The following ATM variants were observed in gnomAD, a reference collection of about 807,000 sequenced individuals.
ATM encodes serine-protein kinase ATM.
In ATM, 308 loss-of-function variants were observed where a neutral mutation model predicts 387.0. That is an observed-to-expected ratio of 0.80 (90% CI 0.73 to 0.87). The LOEUF (loss-of-function observed/expected upper bound fraction) is 0.87. Among genes scored for constraint, ATM ranks in the 40% least tolerant of loss-of-function variants. The probability of loss-of-function intolerance (pLI) is 0.00; values close to 1 mark genes in which losing one functional copy is unlikely to be tolerated. For synonymous variants in ATM, 1,156 were observed against 1,187.3 expected, an observed-to-expected ratio of 0.97 and a Z score of 0.54; for missense variants, 3,312 against 3,560.9, an observed-to-expected ratio of 0.93 and a Z score of 1.78.
chr11:108,249,474 C>G (rs2080023533), intron 9 of ATM, among the ~76,000 whole-genome samples: 1 of 152,192 alleles, frequency 6.6e-6, no homozygotes, highest in Admixed American at 6.5e-5. Context: ...TAAAGATAAT[C>G]TTAAGAAATC....
In ATM at chr11:108,366,276, CTT is replaced by C. The variant is rs779274619; in HGVS notation, c.*769_*770del. ...GATTGCCTTCTAGTTCATGAATTCT[CTT>C]GTCAGATGTATATAATCTCTTTTAC... On this transcript the variant is annotated 3_prime_UTR_variant, in exon 63 of 63. Transcript: ENST00000675843. 1.2e-4 allele frequency: 24 copies of C among 205,768 alleles called. No homozygotes were observed. Among genetic ancestry groups the C allele is most frequent in the Non-Finnish European group, 1.9e-4 (19 of 100,770 alleles). The allele number at this position is 205,768 out of a possible 1,614,324, so 12.7% of individuals were successfully genotyped here.
chr11:108,286,082 A>G (rs1033424594), intron 26 of ATM, among the ~76,000 whole-genome samples: 17 of 152,174 alleles, frequency 1.1e-4, no homozygotes, highest in Non-Finnish European at 2.2e-4. Context: ...CTGTAATCCC[A>G]GCACTTTGGG....
intron 16 of ATM, among the ~76,000 whole-genome samples, chr11:108,262,240 C>T (rs142941237): frequency 0.018 from 2,740 of 152,274 alleles, 81 homozygotes; most frequent in African/African-American, 0.061. Context: ...AGAGAAAGGT[C>T]GGGTTACCCT....
chr11:108,331,805 T>C (rs2136509670), intron 51 of ATM, 74 bp from the exon 52 acceptor site: 2 of 1,535,776 alleles, frequency 1.3e-6, no homozygotes, highest in Non-Finnish European at 1.8e-6. Context: ...CACATTTTAA[T>C]GTTAAGCAAA....
intron 10 of ATM, 39 bp from the exon 11 acceptor site, chr11:108,251,798 A>C: frequency 6.2e-7 from 1 of 1,606,934 alleles, no homozygotes; most frequent in Non-Finnish European, 8.5e-7. Context: ...TGCCCCTCCA[A>C]TAGCTTGCTT....
At chr11:108,251,788 T>C (rs757674800) in intron 10 of ATM, 49 bp from the exon 11 acceptor site, 2 of 1,581,430 alleles carry the variant, frequency 1.3e-6, no homozygotes, top group South Asian at 1.1e-5. Flanking sequence ...ATAAAGTCTT[T>C]GCCCCTCCAA....
chr11:108,314,047 G>T (rs917009991), intron 40 of ATM, among the ~76,000 whole-genome samples: 1 of 151,986 alleles, frequency 6.6e-6, no homozygotes, highest in East Asian at 1.9e-4. Flanking sequence ...AAAAATCCAC[G>T]ACCTTTATTC....
intron 26 of ATM, chr11:108,287,179 A>G (rs2082535336): frequency 1.3e-5 from 2 of 156,920 alleles, no homozygotes; most frequent in African/African-American, 4.8e-5. Flanking sequence ...AGTCCCTGGG[A>G]ATTCTTAACA....
chr11:108,285,009 G>C (rs1273920052), intron 26 of ATM, among the ~76,000 whole-genome samples: 1 of 152,040 alleles, frequency 6.6e-6, no homozygotes, highest in Non-Finnish European at 1.5e-5. Context: ...GCCAAGACTG[G>C]AGTGCAGTGG....
chr11:108,338,782 A>G (rs1296532697), intron 56 of ATM, among the ~76,000 whole-genome samples: 1 of 152,238 alleles, frequency 6.6e-6, no homozygotes, highest in Non-Finnish European at 1.5e-5. Flanking sequence ...AATTACGACA[A>G]TAAGCCAGTA....
At chr11:108,353,281 T>A (rs2089430047) in intron 59 of ATM, among the ~76,000 whole-genome samples, 1 of 152,008 alleles carries the variant, frequency 6.6e-6, no homozygotes, top group Non-Finnish European at 1.5e-5. Flanking sequence ...CCCGAGTAAC[T>A]GGGATTATAG....
intron 24 of ATM, among the ~76,000 whole-genome samples, chr11:108,282,153 A>G (rs2082267600): frequency 7.0e-6 from 1 of 143,164 alleles, no homozygotes; most frequent in South Asian, 2.2e-4. Flanking sequence ...TTTGAGACGG[A>G]GTCTCGCTCT....
chr11:108,315,498 G>A (rs1446591089), intron 40 of ATM, among the ~76,000 whole-genome samples: 1 of 151,878 alleles, frequency 6.6e-6, no homozygotes, highest in Non-Finnish European at 1.5e-5. Context: ...TTTATTTTAT[G>A]CATTCATGAC....
At chr11:108,253,747 T>G (rs2080285323) in intron 12 of ATM, 67 bp from the exon 13 acceptor site, 1 of 1,142,166 alleles carries the variant, frequency 8.8e-7, no homozygotes, top group Admixed American at 1.8e-5. Flanking sequence ...TGTAATATAT[T>G]GCTAATACAT....
chr11:108,257,414 A>C, intron 14 of ATM, 67 bp from the exon 15 acceptor site: 4 of 1,571,992 alleles, frequency 2.5e-6, no homozygotes, highest in Non-Finnish European at 3.5e-6. Context: ...ATCAAAGTAC[A>C]CTGTAAAAAG....
intron 34 of ATM, among the ~76,000 whole-genome samples, chr11:108,301,428 G>A (rs1221575327): frequency 6.6e-6 from 1 of 152,158 alleles, no homozygotes; most frequent in African/African-American, 2.4e-5. Flanking sequence ...AAACTGTATT[G>A]AATGAAGGGA....
At chr11:108,262,891 C>T (rs1347260545) in intron 16 of ATM, among the ~76,000 whole-genome samples, 1 of 148,104 alleles carries the variant, frequency 6.8e-6, no homozygotes, top group Non-Finnish European at 1.5e-5. Flanking sequence ...CAAAGAAGGC[C>T]ATTACATAAT....
chr11:108,339,366 A>G (rs1431084570), intron 56 of ATM, among the ~76,000 whole-genome samples: 2 of 152,202 alleles, frequency 1.3e-5, no homozygotes, highest in African/African-American at 4.8e-5. Context: ...CTTGTCATGC[A>G]TATTTCAGAG....
rs143006019 is a variant in ATM, at chr11:108,229,653, A to T, written c.331+330A>T. The T allele has an allele frequency of 1.1e-3, 277 of 241,198 alleles. 1 individual carries two copies. The highest frequency in any genetic ancestry group is 6.2e-3 in the African/African-American group (265 of 43,048). 14.9% of individuals were successfully genotyped at this position (241,198 alleles called of 1,614,324 possible). On this transcript the variant is annotated intron_variant, in intron 4 of 62. Coordinates refer to ENST00000675843, the MANE Select transcript of ATM (RefSeq NM_000051.4). The stretch of plus-strand genomic sequence containing the variant: ...AATATTTGGGGAAATTTATGCAAGC[A>T]TAGAATGACAGAAATCTGAGGATTG...
Sources: gnomAD v4.1 joint callset for allele counts (sites outside exome capture counted in the v4.1 genomes callset) on GRCh38, gnomAD v4.1.1 for gene constraint, MANE v1.5 for transcripts, NCBI Gene and HGNC (gene_info 2026-07-23, HGNC 2026-07-21) for gene names.